Variants in CDADC1 observed in about 807,000 individuals in gnomAD.
CDADC1 encodes cytidine and dCMP deaminase domain containing 1.
In CDADC1, 39 loss-of-function variants were observed where a neutral mutation model predicts 54.9. The ratio of observed to expected loss-of-function variants is 0.71; its 90% CI spans 0.55 to 0.93. CDADC1 has a LOEUF of 0.93. Ranked by LOEUF, CDADC1 falls within the 40% of genes least tolerant of loss-of-function variation. The pLI, the probability that CDADC1 is intolerant of heterozygous loss-of-function variation, is 0.00. For synonymous variants in CDADC1, 186 were observed against 204.0 expected (o/e 0.91, Z 0.75); for missense variants, 518 against 618.8 (o/e 0.84, Z 1.73).
At chr13:49,284,412 C>T (rs1953446686) in intron 8 of CDADC1, among the ~76,000 whole-genome samples, 1 of 152,154 alleles carries the variant, frequency 6.6e-6, no homozygotes, top group South Asian at 2.1e-4. Flanking sequence ...ACCCATAGGC[C>T]TAACTTATTT....
intron 8 of CDADC1, among the ~76,000 whole-genome samples, chr13:49,285,127 A>G (rs1416163998): frequency 6.6e-6 from 1 of 151,978 alleles, no homozygotes; most frequent in Non-Finnish European, 1.5e-5. Context: ...CAACATTAAA[A>G]GGCAAGGTAA....
intron 2 of CDADC1, among the ~76,000 whole-genome samples, chr13:49,251,129 G>A (rs1217520756): frequency 6.6e-6 from 1 of 152,048 alleles, no homozygotes; most frequent in Non-Finnish European, 1.5e-5. Context: ...AGACTTTTAG[G>A]CCGGGTGCAG....
intron 5 of CDADC1, 132 bp from the exon 6 acceptor site, chr13:49,274,159 G>A (rs1227524391): frequency 4.7e-6 from 3 of 637,498 alleles, no homozygotes; most frequent in African/African-American, 3.7e-5. Context: ...TCTGTAATTA[G>A]TGAAGATACA....
intron 3 of CDADC1, among the ~76,000 whole-genome samples, chr13:49,258,056 CCTT>C (rs1014495791): frequency 1.4e-4 from 22 of 152,238 alleles, no homozygotes; most frequent in African/African-American, 5.1e-4. Flanking sequence ...TTATAAATGT[CCTT>C]CTAGTTTAGG....
At chr13:49,272,915 G>A (rs1213840970) in intron 5 of CDADC1, among the ~76,000 whole-genome samples, 1 of 152,216 alleles carries the variant, frequency 6.6e-6, no homozygotes, top group East Asian at 1.9e-4. Context: ...TGGAGGAAAG[G>A]CCAAGCAGGT....
chr13:49,266,882 GCA>G, intron 4 of CDADC1, among the ~76,000 whole-genome samples: 1 of 152,180 alleles, frequency 6.6e-6, no homozygotes, highest in African/African-American at 2.4e-5. Flanking sequence ...AGAAAACTAG[GCA>G]ATATTAGTTG....
At chr13:49,275,692 TA>T (rs1953086994) in intron 6 of CDADC1, among the ~76,000 whole-genome samples, 1 of 16,294 alleles carries the variant, frequency 6.1e-5, no homozygotes, top group East Asian at 1.9e-3. Flanking sequence ...CTAGGTGTTA[TA>T]TATATATATA....
At chr13:49,274,526 C>T (rs1258680799) in intron 6 of CDADC1, among the ~76,000 whole-genome samples, 186 bp downstream of exon 6, 1 of 151,806 alleles carries the variant, frequency 6.6e-6, no homozygotes. Flanking sequence ...CAAAAATTAG[C>T]TGGGCGTGGT....
At chr13:49,275,844 C>T (rs1393828417) in intron 6 of CDADC1, among the ~76,000 whole-genome samples, 3 of 149,840 alleles carry the variant, frequency 2.0e-5, no homozygotes, top group Non-Finnish European at 3.0e-5. Flanking sequence ...TCTGAGCTCA[C>T]TGCAACCTCT....
At chr13:49,261,480 G>A (rs1043338902) in intron 4 of CDADC1, among the ~76,000 whole-genome samples, 1 of 152,160 alleles carries the variant, frequency 6.6e-6, no homozygotes, top group Non-Finnish European at 1.5e-5. Flanking sequence ...CCTGTTTGTA[G>A]GTAATGTGGA....
chr13:49,280,798 T>G, intron 8 of CDADC1, 100 bp downstream of exon 8: 1 of 341,924 alleles, frequency 2.9e-6, no homozygotes, highest in South Asian at 1.4e-4. Context: ...TTTAAAGAGT[T>G]TCAACAAATT....
chr13:49,292,813 A>G lies in CDADC1; in HGVS notation c.*1056A>G, dbSNP rs1953750185. On this transcript the variant is annotated 3_prime_UTR_variant, in exon 10 of 10. Transcript: ENST00000251108. ...GGTGGCCTGGGGTGCTTCATGAGAA[A>G]TGTCTTCCTGGATCTGCGGTGGTCA... The G allele has an allele frequency of 7.8e-7, 1 of 1,277,634 alleles. No homozygotes were observed. Among genetic ancestry groups the G allele is most frequent in the Non-Finnish European group, 1.0e-6 (1 of 982,906 alleles). 79.1% of individuals were successfully genotyped at this position (1,277,634 alleles called of 1,614,324 possible).
intron 2 of CDADC1, among the ~76,000 whole-genome samples, chr13:49,249,353 T>G (rs1478631320): frequency 6.6e-6 from 1 of 152,236 alleles, no homozygotes; most frequent in Non-Finnish European, 1.5e-5. Context: ...GCATATACCC[T>G]TTAGAGTCTA....
chr13:49,256,126 T>G (rs1952542149), intron 3 of CDADC1, among the ~76,000 whole-genome samples: 1 of 142,082 alleles, frequency 7.0e-6, no homozygotes, highest in African/African-American at 2.6e-5. Context: ...TCCTACATCT[T>G]GCTTTAAAAA....
chr13:49,275,519 C>T (rs886662211), intron 6 of CDADC1, among the ~76,000 whole-genome samples: 2 of 150,714 alleles, frequency 1.3e-5, no homozygotes, highest in East Asian at 3.9e-4. Context: ...TATGGGAAAA[C>T]GCATTTGATT....
In CDADC1 at chr13:49,257,429, G is replaced by A. The variant is rs537325726; in HGVS notation, c.252+1516G>A. On this transcript the variant is annotated intron_variant, in intron 3 of 9. Coordinates refer to ENST00000251108, the MANE Select transcript of CDADC1 (RefSeq NM_030911.4). Reference sequence around the variant, plus strand: ...TTACGTTGGTTCAATTTAACAATAGGAGCTCTGTCAAGATCTTTTGATGAG... The same window carrying A: ...TTACGTTGGTTCAATTTAACAATAGAAGCTCTGTCAAGATCTTTTGATGAG... Among the ~76,000 whole-genome samples, 5 of 152,194 alleles carry A rather than the reference G, an allele frequency of 3.3e-5. No individual in the cohort carries two copies. In the East Asian group the frequency reaches 7.7e-4, roughly 24 times the overall value.
chr13:49,276,405 A>G (rs892639756), intron 6 of CDADC1, among the ~76,000 whole-genome samples: 2 of 152,220 alleles, frequency 1.3e-5, no homozygotes, highest in African/African-American at 4.8e-5. Flanking sequence ...TTAGGAGGCT[A>G]GAATCAAGAG....
chr13:49,271,668 G>T (rs1380818642), intron 5 of CDADC1, among the ~76,000 whole-genome samples: 1 of 151,538 alleles, frequency 6.6e-6, no homozygotes, highest in East Asian at 1.9e-4. Flanking sequence ...GAGGACTGTG[G>T]AGCACCTTGG....
At chr13:49,266,576 A>G (rs1433470382) in intron 4 of CDADC1, among the ~76,000 whole-genome samples, 1 of 152,256 alleles carries the variant, frequency 6.6e-6, no homozygotes, top group Non-Finnish European at 1.5e-5. Flanking sequence ...CCAACATCAC[A>G]TAAGAATTTT....
Sources: allele counts gnomAD v4.1 joint callset (sites outside exome capture counted in the v4.1 genomes callset), GRCh38; gene constraint gnomAD v4.1.1; transcripts MANE v1.5; gene names NCBI Gene and HGNC (gene_info 2026-07-23, HGNC 2026-07-21).